The following DCDC1 variants were observed in gnomAD, a reference collection of about 807,000 sequenced individuals.
DCDC1 encodes the protein doublecortin domain containing 1.
In DCDC1, 200 loss-of-function variants were observed where a neutral mutation model predicts 178.3. The observed-to-expected ratio is 1.12, with a 90% CI of 1.00 to 1.26. The LOEUF (loss-of-function observed/expected upper bound fraction) is 1.26, where lower values mean the gene tolerates loss of function less well. DCDC1 is among the 50% of genes most tolerant of loss of function. DCDC1 has a pLI of 0.00. For synonymous variants in DCDC1, 690 were observed against 604.8 expected (o/e 1.14, Z -2.07); for missense variants, 1,983 against 1,749.2 (o/e 1.13, Z -2.38).
chr11:31,313,399 T>C (rs550615550), intron 3 of DCDC1, among the ~76,000 whole-genome samples: 2 of 152,316 alleles, frequency 1.3e-5, no homozygotes, highest in South Asian at 4.1e-4. Context: ...GAACAATACC[T>C]TTGTTCCCAT....
intron 38 of DCDC1, among the ~76,000 whole-genome samples, chr11:30,873,234 T>C (rs1042043058): frequency 1.3e-5 from 2 of 150,336 alleles, no homozygotes; most frequent in African/African-American, 4.9e-5. Flanking sequence ...AAATCCACAA[T>C]GGGATTTATC....
rs770852625 is a variant in DCDC1 at position 30,920,835 on chromosome 11, C to T, written c.3234G>A (p.Pro1078=). ...GATCTTCTTGCATTTGCTTTTCTTC[C>T]GGTTCTGTAACTTGCTTCTCTTCTC... The part of the protein sequence containing the change: ...IFGEEKQVTE[P]EEKQMQEDPL... The change falls in exon 25 of 39, where the codon CCG becomes CCA. Residue 1078 remains proline, a synonymous_variant. Transcript: ENST00000684477. 17 of 1,613,452 alleles carry T rather than the reference C, an allele frequency of 1.1e-5. No individual in the cohort carries two copies. Among genetic ancestry groups the T allele is most frequent in the Middle Eastern group, 1.6e-4 (1 of 6,084 alleles).
intron 1 of DCDC1, among the ~76,000 whole-genome samples, chr11:31,351,756 C>T (rs934291813): frequency 2.0e-5 from 3 of 152,082 alleles, no homozygotes; most frequent in African/African-American, 7.2e-5. Flanking sequence ...ATAAATGCAG[C>T]ACATGACCTT....
At chr11:31,229,882 G>T (rs1975539794) in intron 9 of DCDC1, among the ~76,000 whole-genome samples, 1 of 152,062 alleles carries the variant, frequency 6.6e-6, no homozygotes, top group Admixed American at 6.6e-5. Flanking sequence ...AGCCATATAT[G>T]AAAAGTCCAC....
At chr11:30,942,943 T>C (rs1947757205) in intron 21 of DCDC1, among the ~76,000 whole-genome samples, 1 of 152,210 alleles carries the variant, frequency 6.6e-6, no homozygotes, top group Admixed American at 6.5e-5. Context: ...TTTCAGGCAC[T>C]TTCATTCTGT....
chr11:30,963,427 G>A (rs1412041726), intron 20 of DCDC1, among the ~76,000 whole-genome samples: 2 of 152,078 alleles, frequency 1.3e-5, no homozygotes, highest in African/African-American at 2.4e-5. Context: ...AGTAGTAATA[G>A]ACTTTTAGCT....
chr11:31,330,099 G>C (rs1362209370), intron 2 of DCDC1, among the ~76,000 whole-genome samples: 1 of 152,126 alleles, frequency 6.6e-6, no homozygotes, highest in Admixed American at 6.5e-5. Flanking sequence ...ATTCTAACTG[G>C]TGTGAGATGG....
chr11:30,965,263 A>T (rs975224537), intron 20 of DCDC1, among the ~76,000 whole-genome samples: 1 of 152,218 alleles, frequency 6.6e-6, no homozygotes, highest in African/African-American at 2.4e-5. Context: ...TGTATCTGAC[A>T]TGAGTGAGAG....
chr11:31,075,731 G>A (rs757563300), intron 18 of DCDC1, among the ~76,000 whole-genome samples: 1 of 152,178 alleles, frequency 6.6e-6, no homozygotes, highest in Non-Finnish European at 1.5e-5. Context: ...CTTTTTAATG[G>A]AGTTATCTGT....
intron 9 of DCDC1, among the ~76,000 whole-genome samples, chr11:31,205,012 C>A (rs1043283404): frequency 2.6e-5 from 4 of 152,090 alleles, no homozygotes; most frequent in Admixed American, 1.3e-4. Context: ...GGATTCTGAG[C>A]CAATGGAATA....
chr11:30,883,622 C>T (rs963429004), intron 36 of DCDC1: 1 of 236,682 alleles, frequency 4.2e-6, no homozygotes, highest in Non-Finnish European at 8.9e-6. Flanking sequence ...TATATTTACA[C>T]TTCGTTTTCT....
intron 20 of DCDC1, among the ~76,000 whole-genome samples, chr11:31,036,075 C>A (rs1954005844): frequency 3.3e-5 from 5 of 152,086 alleles, no homozygotes; most frequent in Admixed American, 2.6e-4. Context: ...TTTTTGGGAC[C>A]AATCTGCTCT....
In DCDC1 at chr11:31,225,040, G is replaced by A. The variant is rs1474833678; in HGVS notation, c.1221+16410C>T. On this transcript the variant is annotated intron_variant, in intron 9 of 38. Transcript: ENST00000684477. Reference sequence around the variant, plus strand: ...ACCAAAAAGGAAAAGAAGTCACTACGTGAAAAAGACACATGCACATGCATG... The same window carrying A: ...ACCAAAAAGGAAAAGAAGTCACTACATGAAAAAGACACATGCACATGCATG... Among the ~76,000 whole-genome samples the A allele has an allele frequency of 5.3e-5, 8 of 152,064 alleles. No individual in the cohort carries two copies. The South Asian group carries it at 1.0e-3, about 20-fold the overall frequency.
chr11:31,366,284 C>G (rs1951953474), intron 1 of DCDC1, among the ~76,000 whole-genome samples: 2 of 152,066 alleles, frequency 1.3e-5, no homozygotes, highest in Admixed American at 1.3e-4. Flanking sequence ...GGATAAATTG[C>G]CTTTTAAATA....
rs193187867 is a variant in DCDC1, at chr11:30,877,340, G to A, written c.*40+1204C>T. ...TTATATTCATACAGAGTTGTGAGTG[G>A]TTTTCAGAGGAACACTGGGAAGAAG... On this transcript the variant is annotated intron_variant, in intron 38 of 38. Coordinates refer to ENST00000684477, the MANE Select transcript of DCDC1 (RefSeq NM_001387274.1). Among the ~76,000 whole-genome samples, 5 of 152,176 alleles carry A rather than the reference G, an allele frequency of 3.3e-5. No homozygotes were observed. In the South Asian group the frequency reaches 6.2e-4, roughly 19 times the overall value.
chr11:31,315,631 C>T (rs1219200591), intron 3 of DCDC1, among the ~76,000 whole-genome samples: 5 of 149,678 alleles, frequency 3.3e-5, no homozygotes, highest in African/African-American at 9.9e-5. Flanking sequence ...CCACCATGCC[C>T]GGCCATCTGC....
chr11:31,341,510 A>G (rs1300965699), intron 1 of DCDC1, among the ~76,000 whole-genome samples: 1 of 152,188 alleles, frequency 6.6e-6, no homozygotes, highest in Non-Finnish European at 1.5e-5. Flanking sequence ...GGCAAATATC[A>G]TACAGTATAC....
chr11:30,902,374 C>G (rs1944748731), intron 32 of DCDC1, among the ~76,000 whole-genome samples: 1 of 152,150 alleles, frequency 6.6e-6, no homozygotes, highest in Non-Finnish European at 1.5e-5. Context: ...TGCTGTTGGA[C>G]TTCCCAGCCT....
intron 20 of DCDC1, among the ~76,000 whole-genome samples, chr11:30,971,241 C>T (rs1462671644): frequency 1.3e-5 from 2 of 151,470 alleles, no homozygotes; most frequent in South Asian, 4.1e-4. Flanking sequence ...TAAAGACACA[C>T]ACAAAAAAAA....
Sources: gnomAD v4.1 joint callset for allele counts (sites outside exome capture counted in the v4.1 genomes callset) on GRCh38, gnomAD v4.1.1 for gene constraint, MANE v1.5 for transcripts, NCBI Gene and HGNC (gene_info 2026-07-23, HGNC 2026-07-21) for gene names.